SYT14: variants seen among roughly 807,000 people sequenced by gnomAD.
SYT14 encodes the protein synaptotagmin 14, also known as synaptotagmin-14.
In SYT14, 32 loss-of-function variants were observed where a neutral mutation model predicts 74.2. The observed-to-expected ratio is 0.43, with a 90% CI of 0.33 to 0.58. The LOEUF is 0.58. Among genes scored for constraint, SYT14 ranks in the 20% least tolerant of loss-of-function variants. The pLI is 0.05. For missense variants in SYT14, 791 were observed against 981.8 expected (o/e 0.81, Z 2.60); for synonymous variants, 298 against 337.7 (o/e 0.88, Z 1.29).
chr1:209,947,232 G>A (rs1379767558), intron 1 of SYT14, among the ~76,000 whole-genome samples: 1 of 152,130 alleles, frequency 6.6e-6, no homozygotes, highest in Admixed American at 6.6e-5. Flanking sequence ...AGACTTTCAA[G>A]CTTTATTATT....
At chr1:210,048,956 G>A (rs768879741) in intron 5 of SYT14, among the ~76,000 whole-genome samples, 2 of 152,210 alleles carry the variant, frequency 1.3e-5, no homozygotes, top group Non-Finnish European at 2.9e-5. Context: ...ATCCAGCAGG[G>A]CAGTCAAATC....
At chr1:209,986,477 G>T (rs1445552979) in intron 2 of SYT14, among the ~76,000 whole-genome samples, 2 of 151,968 alleles carry the variant, frequency 1.3e-5, no homozygotes, top group East Asian at 3.9e-4. Context: ...GCCGGGCGAG[G>T]TGGCGGGCGC....
intron 2 of SYT14, among the ~76,000 whole-genome samples, chr1:209,958,762 A>G (rs1307811404): frequency 6.6e-6 from 1 of 152,206 alleles, no homozygotes; most frequent in Non-Finnish European, 1.5e-5. Flanking sequence ...CAGTTATATC[A>G]TCTTCAAATA....
intron 5 of SYT14, among the ~76,000 whole-genome samples, chr1:210,047,863 CT>C (rs1409637328): frequency 3.9e-5 from 6 of 152,134 alleles, no homozygotes; most frequent in Admixed American, 6.5e-5. Context: ...AAGATGTCCA[CT>C]TTTTTCAGGT....
chr1:210,083,420 A>G (rs1351502320), intron 5 of SYT14, among the ~76,000 whole-genome samples: 1 of 152,212 alleles, frequency 6.6e-6, no homozygotes, highest in Admixed American at 6.5e-5. Context: ...AGAAGATTAT[A>G]TATTTATTTT....
chr1:210,028,489 A>G (rs946927926), intron 5 of SYT14, among the ~76,000 whole-genome samples: 1 of 151,294 alleles, frequency 6.6e-6, no homozygotes, highest in Non-Finnish European at 1.5e-5. Flanking sequence ...GATTTTAACT[A>G]CTCTAAGTAC....
At chr1:209,962,517 A>C (rs1052374960) in intron 2 of SYT14, among the ~76,000 whole-genome samples, 6 of 152,038 alleles carry the variant, frequency 3.9e-5, no homozygotes, top group Middle Eastern at 3.2e-3. Context: ...TAGAAGGTGG[A>C]GATCATGGAG....
intron 5 of SYT14, among the ~76,000 whole-genome samples, chr1:210,049,231 G>A (rs1009948273): frequency 2.0e-5 from 3 of 152,226 alleles, no homozygotes; most frequent in Admixed American, 2.0e-4. Flanking sequence ...GCCCCAGTAG[G>A]GACTCTGTGT....
chr1:210,015,968 C>G lies in SYT14; in HGVS notation c.-36C>G, dbSNP rs572551643. On this transcript the variant is annotated 5_prime_UTR_variant, in exon 4 of 10. Transcript: ENST00000637265. ...GTTGATATTTTCAGAAGAGAAAATT[C>G]CATTATTGCACCTTTTAGGAACAAG... 8.9e-6 allele frequency: 11 copies of G among 1,231,696 alleles called. No individual in the cohort carries two copies. The South Asian group carries it at 4.1e-4, about 46-fold the overall frequency. The allele number at this position is 1,231,696 out of a possible 1,614,324, so 76.3% of individuals were successfully genotyped here.
intron 8 of SYT14, among the ~76,000 whole-genome samples, chr1:210,158,526 C>T (rs1202969520): frequency 6.6e-6 from 1 of 152,114 alleles, no homozygotes; most frequent in Non-Finnish European, 1.5e-5. Context: ...CCTTTCTATC[C>T]TTACTGTAGT....
chr1:210,109,602 C>G (rs1380600420), intron 7 of SYT14, among the ~76,000 whole-genome samples: 1 of 146,828 alleles, frequency 6.8e-6, no homozygotes, highest in Admixed American at 6.9e-5. Flanking sequence ...AGAGAAAAAA[C>G]AAAACAACAA....
At chr1:210,081,065 G>A (rs529699655) in intron 5 of SYT14, among the ~76,000 whole-genome samples, 7 of 152,322 alleles carry the variant, frequency 4.6e-5, no homozygotes, top group African/African-American at 1.7e-4. Context: ...ATAGCGCATT[G>A]AGGAAATTGC....
At chr1:209,968,722 A>G (rs1410305102) in intron 2 of SYT14, among the ~76,000 whole-genome samples, 1 of 140,718 alleles carries the variant, frequency 7.1e-6, no homozygotes, top group Non-Finnish European at 1.5e-5. Flanking sequence ...TTAGTAGCTC[A>G]TTTCTTTTTT....
chr1:210,125,603 A>G (rs146816391), intron 7 of SYT14, among the ~76,000 whole-genome samples: 165 of 152,308 alleles, frequency 1.1e-3, no homozygotes, highest in African/African-American at 3.8e-3. Flanking sequence ...TCATTTCTGC[A>G]GAACTAGCCT....
At chr1:210,151,984 C>T (rs2083173641) in intron 7 of SYT14, among the ~76,000 whole-genome samples, 1 of 152,164 alleles carries the variant, frequency 6.6e-6, no homozygotes, top group Admixed American at 6.5e-5. Context: ...GTGAAAAATA[C>T]TATATTGTGA....
At chr1:210,140,253 A>G (rs1282225967) in intron 7 of SYT14, among the ~76,000 whole-genome samples, 1 of 152,108 alleles carries the variant, frequency 6.6e-6, no homozygotes, top group African/African-American at 2.4e-5. Flanking sequence ...CCATTCGTGT[A>G]TCTTCTTTGG....
chr1:210,093,322 C>T (rs2081910341), intron 5 of SYT14, among the ~76,000 whole-genome samples: 2 of 151,974 alleles, frequency 1.3e-5, no homozygotes, highest in African/African-American at 4.8e-5. Flanking sequence ...ACTACTGTTT[C>T]AGGGTCCCTT....
Position 210,092,523 on chromosome 1 carries a change from C to T in SYT14, c.1313-1799C>T, listed in dbSNP as rs983781663. ...GGATGGAGTCAAGTCAGTCTGCCAGCGGTGGCAGCCACACATACTTACCTA... is the reference window on the plus strand; with the variant it reads ...GGATGGAGTCAAGTCAGTCTGCCAGTGGTGGCAGCCACACATACTTACCTA... On this transcript the variant is annotated intron_variant, in intron 5 of 9. Coordinates refer to ENST00000637265, the Ensembl canonical transcript of SYT14. 2.6e-5 allele frequency among the ~76,000 whole-genome samples: 4 copies of T among 152,156 alleles called. No homozygotes were observed. The East Asian group carries it at 5.8e-4, about 22-fold the overall frequency.
At chr1:210,156,711 T>TTTTTTTTG (rs2083275402) in intron 8 of SYT14, among the ~76,000 whole-genome samples, 2 of 93,514 alleles carry the variant, frequency 2.1e-5, no homozygotes, top group Non-Finnish European at 3.9e-5. Context: ...TTTTTTTTTT[T>TTTTTTTTG]GGAGACAGTT....
Sources: allele counts gnomAD v4.1 joint callset (sites outside exome capture counted in the v4.1 genomes callset), GRCh38; gene constraint gnomAD v4.1.1; transcripts MANE v1.5; gene names NCBI Gene and HGNC (gene_info 2026-07-23, HGNC 2026-07-21).